AGMO: variants seen among roughly 807,000 people sequenced by gnomAD.
AGMO encodes glyceryl-ether monooxygenase.
In AGMO, 75 loss-of-function variants were observed where a neutral mutation model predicts 60.2. That is an observed-to-expected ratio of 1.25 (90% CI 1.03 to 1.51). The LOEUF (loss-of-function observed/expected upper bound fraction) is 1.51, where lower values mean the gene tolerates loss of function less well. AGMO is among the 40% of genes most tolerant of loss of function. AGMO has a pLI of 0.00. For missense variants in AGMO, 763 were observed against 525.5 expected (o/e 1.45, Z -4.42); for synonymous variants, 261 against 177.1 (o/e 1.47, Z -3.76).
chr7:15,146,283 A>C, the AGMO span, among the ~76,000 whole-genome samples: 1 of 152,186 alleles, frequency 6.6e-6, no homozygotes, highest in Non-Finnish European at 1.5e-5. Context: ...TAGCTTATTC[A>C]GAAACGGGTT....
intron 12 of AGMO, among the ~76,000 whole-genome samples, chr7:15,343,533 T>G (rs1003289295): frequency 6.6e-6 from 1 of 152,180 alleles, no homozygotes; most frequent in Non-Finnish European, 1.5e-5. Flanking sequence ...AATATCTTAG[T>G]CTTTCAGGAC....
chr7:15,471,141 A>G (rs1028013610), intron 3 of AGMO, among the ~76,000 whole-genome samples: 2 of 151,910 alleles, frequency 1.3e-5, no homozygotes, highest in African/African-American at 4.8e-5. Flanking sequence ...ATTGTGCCCA[A>G]TTGTCATCAT....
Position 15,277,562 on chromosome 7 carries a change from T to A in AGMO, c.1264-76203A>T, listed in dbSNP as rs1420511218. ...TTTTTTCTATTTTAAATTTTCTCCA[T>A]CCCTTGATGGTGAGACAATAAAGCA... On this transcript the variant is annotated intron_variant, in intron 12 of 12. Coordinates refer to ENST00000342526, the MANE Select transcript of AGMO (RefSeq NM_001004320.2). 4.6e-5 allele frequency among the ~76,000 whole-genome samples: 7 copies of A among 152,080 alleles called. No homozygotes were observed. In the East Asian group the frequency reaches 1.4e-3, roughly 30 times the overall value.
intron 12 of AGMO, among the ~76,000 whole-genome samples, chr7:15,292,648 A>C (rs978301671): frequency 2.6e-5 from 4 of 152,090 alleles, no homozygotes; most frequent in Non-Finnish European, 5.9e-5. Flanking sequence ...TCCTACGGAC[A>C]AAATAAAAAG....
rs182235389 is a variant in AGMO at position 15,394,961 on chromosome 7, T to C, written c.610-782A>G. 9.4e-3 allele frequency among the ~76,000 whole-genome samples: 1,435 copies of C among 152,310 alleles called. 15 individuals are homozygous for C. Among genetic ancestry groups the C allele is most frequent in the South Asian group, 0.028 (134 of 4,830 alleles). ...TTAGATTCCCCTAGTTCTGAGTCTA[T>C]AAATTCTAAAAATCATAGAAACCAG... On this transcript the variant is annotated intron_variant, in intron 5 of 12. Coordinates refer to ENST00000342526, the MANE Select transcript of AGMO (RefSeq NM_001004320.2).
chr7:15,156,941 C>T, the AGMO span, among the ~76,000 whole-genome samples: 1 of 151,882 alleles, frequency 6.6e-6, no homozygotes, highest in Admixed American at 6.6e-5. Flanking sequence ...AAAGTTTCTA[C>T]TACAAAGTCA....
the AGMO span, among the ~76,000 whole-genome samples, chr7:15,137,294 TA>T: frequency 1.3e-5 from 2 of 152,220 alleles, no homozygotes; most frequent in African/African-American, 4.8e-5. Flanking sequence ...ATTACTTTTT[TA>T]TACGTTTTCC....
chr7:15,195,985 T>C (rs984789481), downstream of AGMO, among the ~76,000 whole-genome samples: 1 of 151,984 alleles, frequency 6.6e-6, no homozygotes, highest in African/African-American at 2.4e-5. Flanking sequence ...ATTTACATTT[T>C]CTGGCTCAGT....
chr7:15,359,768 T>C (rs1156898706), intron 12 of AGMO, among the ~76,000 whole-genome samples: 2 of 152,240 alleles, frequency 1.3e-5, no homozygotes, highest in Admixed American at 1.3e-4. Context: ...TATTGTATGT[T>C]ACATGGTCAC....
At chr7:15,183,529 C>T in the AGMO span, among the ~76,000 whole-genome samples, 1 of 152,252 alleles carries the variant, frequency 6.6e-6, no homozygotes, top group East Asian at 1.9e-4. Context: ...GCCTATTGTC[C>T]TTGGCTTTCA....
chr7:15,514,695 T>C (rs776380733), intron 3 of AGMO, among the ~76,000 whole-genome samples: 1 of 152,242 alleles, frequency 6.6e-6, no homozygotes, highest in Admixed American at 6.5e-5. Flanking sequence ...AACTACTTAA[T>C]GTCATCAAGA....
chr7:15,515,631 T>C (rs145025269), intron 3 of AGMO, among the ~76,000 whole-genome samples: 2 of 152,344 alleles, frequency 1.3e-5, no homozygotes, highest in Non-Finnish European at 2.9e-5. Flanking sequence ...ACTAGAACAT[T>C]CCTGTGTCAT....
Position 15,390,668 on chromosome 7 carries a change from T to A in AGMO, c.822+3A>T. On this transcript the variant is annotated splice_donor_region_variant and intron_variant, in intron 8 of 12. Coordinates refer to ENST00000342526, the MANE Select transcript of AGMO (RefSeq NM_001004320.2). Reference sequence around the variant, plus strand: ...AAGAAAGAATAAAAAACAAGTATGTTACCTGCACTTTGATTGGTTCAAATG... The same window carrying A: ...AAGAAAGAATAAAAAACAAGTATGTAACCTGCACTTTGATTGGTTCAAATG... The A allele has an allele frequency of 1.3e-6, 2 of 1,580,162 alleles. No individual in the cohort carries two copies. Among genetic ancestry groups the A allele is most frequent in the Non-Finnish European group, 1.7e-6 (2 of 1,156,754 alleles).
At chr7:15,159,852 C>A in the AGMO span, among the ~76,000 whole-genome samples, 1 of 152,204 alleles carries the variant, frequency 6.6e-6, no homozygotes, top group East Asian at 1.9e-4. Context: ...AAAGGTCCTG[C>A]ATATTGTGTG....
At chr7:15,442,062 T>G (rs1053895368) in intron 3 of AGMO, among the ~76,000 whole-genome samples, 16 of 152,182 alleles carry the variant, frequency 1.1e-4, no homozygotes, top group African/African-American at 3.9e-4. Flanking sequence ...TCAGTGTTAC[T>G]GAATTTGCAA....
intron 12 of AGMO, among the ~76,000 whole-genome samples, chr7:15,336,101 C>T (rs1245157262): frequency 6.6e-6 from 1 of 152,078 alleles, no homozygotes; most frequent in Non-Finnish European, 1.5e-5. Flanking sequence ...ACTACTATTC[C>T]TTCTATTTAT....
intron 12 of AGMO, among the ~76,000 whole-genome samples, chr7:15,342,217 A>G (rs887054104): frequency 6.2e-4 from 93 of 149,286 alleles, no homozygotes; most frequent in Non-Finnish European, 1.5e-4. Flanking sequence ...CTGAAGCACT[A>G]AGAGACTTAG....
chr7:15,214,801 A>G (rs958407600), intron 12 of AGMO, among the ~76,000 whole-genome samples: 3 of 152,098 alleles, frequency 2.0e-5, no homozygotes, highest in Non-Finnish European at 4.4e-5. Context: ...GTAAATCCTG[A>G]TAATAGCTTA....
chr7:15,520,257 T>A (rs1212407445), intron 3 of AGMO, among the ~76,000 whole-genome samples: 1 of 152,138 alleles, frequency 6.6e-6, no homozygotes, highest in Non-Finnish European at 1.5e-5. Flanking sequence ...TGGGAGACTT[T>A]AACACCCCAT....
Sources: allele counts gnomAD v4.1 joint callset (sites outside exome capture counted in the v4.1 genomes callset), GRCh38; gene constraint gnomAD v4.1.1; transcripts MANE v1.5; gene names NCBI Gene and HGNC (gene_info 2026-07-23, HGNC 2026-07-21).